Variants in DLG2 observed in about 807,000 individuals in gnomAD.
The protein encoded by DLG2 is discs large MAGUK scaffold protein 2.
DLG2 carries 45 observed loss-of-function variants against 132.5 expected under a neutral mutation model. The ratio of observed to expected loss-of-function variants is 0.34; its 90% confidence interval spans 0.27 to 0.44. DLG2 has a LOEUF of 0.44. Ranked by LOEUF, DLG2 falls within the 20% of genes least tolerant of loss-of-function variation. The probability of loss-of-function intolerance (pLI) is 1.00; values close to 1 mark genes in which losing one functional copy is unlikely to be tolerated. For missense variants in DLG2, 1,045 were observed against 1,196.9 expected (o/e 0.87, Z 1.87); for synonymous variants, 424 against 419.6 (o/e 1.01, Z -0.13).
chr11:84,826,081 AG>A (rs1177961922), intron 6 of DLG2, among the ~76,000 whole-genome samples: 33 of 151,982 alleles, frequency 2.2e-4, no homozygotes, highest in East Asian at 9.8e-4. Context: ...GGTAGATAGT[AG>A]GTATATATAT....
intron 21 of DLG2, among the ~76,000 whole-genome samples, chr11:83,511,426 G>C (rs1002411001): frequency 6.6e-6 from 1 of 152,150 alleles, no homozygotes; most frequent in Admixed American, 6.5e-5. Context: ...CAAGTCTCAT[G>C]TCAGTGGAGC....
chr11:85,337,278 C>T (rs2152851512), intron 3 of DLG2, among the ~76,000 whole-genome samples: 1 of 152,022 alleles, frequency 6.6e-6, no homozygotes, highest in African/African-American at 2.4e-5. Flanking sequence ...GAGACAATGT[C>T]TCTCTGTATT....
At chr11:85,469,282 T>C (rs187206226) in intron 3 of DLG2, 1 of 152,378 alleles carries the variant, frequency 6.6e-6, no homozygotes, top group African/African-American at 2.4e-5. Context: ...TCCTTGCTCC[T>C]ACTCATTCCA....
At chr11:84,444,761 C>G (rs2099027986) in intron 7 of DLG2, among the ~76,000 whole-genome samples, 1 of 149,398 alleles carries the variant, frequency 6.7e-6, no homozygotes, top group Non-Finnish European at 1.5e-5. Flanking sequence ...CAATAGAGCA[C>G]TTTTATAGTA....
At chr11:84,073,865 C>A (rs2096789558) in intron 10 of DLG2, among the ~76,000 whole-genome samples, 1 of 152,160 alleles carries the variant, frequency 6.6e-6, no homozygotes, top group Non-Finnish European at 1.5e-5. Flanking sequence ...CCCCACCCAA[C>A]CTCCAGGAAG....
chr11:85,337,974 T>A (rs2082242092), intron 3 of DLG2, among the ~76,000 whole-genome samples: 1 of 152,164 alleles, frequency 6.6e-6, no homozygotes. Context: ...CAGAAATAAT[T>A]AATAAGGTGG....
intron 4 of DLG2, among the ~76,000 whole-genome samples, chr11:85,272,126 C>T (rs1256744746): frequency 6.6e-6 from 1 of 152,054 alleles, no homozygotes; most frequent in Non-Finnish European, 1.5e-5. Context: ...CAGGTCTTTC[C>T]CATGCTATTC....
At chr11:84,938,647 TG>T (rs1204198423) in intron 6 of DLG2, among the ~76,000 whole-genome samples, 1 of 152,208 alleles carries the variant, frequency 6.6e-6, no homozygotes, top group African/African-American at 2.4e-5. Flanking sequence ...TTCATAAATG[TG>T]TTGTCTTTTT....
intron 3 of DLG2, among the ~76,000 whole-genome samples, chr11:85,582,493 T>C (rs941826358): frequency 1.3e-5 from 2 of 151,442 alleles, no homozygotes; most frequent in African/African-American, 4.9e-5. Flanking sequence ...AAAATAATGA[T>C]GATAATCCAA....
At chr11:84,075,824 G>A (rs2096822705) in intron 10 of DLG2, among the ~76,000 whole-genome samples, 1 of 152,020 alleles carries the variant, frequency 6.6e-6, no homozygotes, top group Admixed American at 6.5e-5. Context: ...ATTAATTTGT[G>A]ATGAAAAACT....
chr11:84,118,045 C>G (rs111416856), intron 9 of DLG2, among the ~76,000 whole-genome samples: 2 of 151,774 alleles, frequency 1.3e-5, no homozygotes, highest in East Asian at 3.9e-4. Flanking sequence ...TTAGTAGAGA[C>G]GGGGTTTCAC....
chr11:83,632,820 A>G (rs1485624429), intron 19 of DLG2: 2 of 180,318 alleles, frequency 1.1e-5, no homozygotes, highest in Non-Finnish European at 1.2e-5. Context: ...TGCAATCAGT[A>G]TCAGGCAGGT....
Position 84,641,581 on chromosome 11 carries a change from C to T in DLG2, c.358-106850G>A, listed in dbSNP as rs147490192. On this transcript the variant is annotated intron_variant, in intron 6 of 27. Coordinates refer to ENST00000376104, the MANE Select transcript of DLG2 (RefSeq NM_001142699.3). The stretch of plus-strand genomic sequence containing the variant: ...ACCTGGTGTTTTTCTGTATAGTAGC[C>T]TGGATTTGACCTATCTCTCCCTATA... Among the ~76,000 whole-genome samples, 767 of 152,132 alleles carry T rather than the reference C, an allele frequency of 5.0e-3. 14 individuals are homozygous for T. The highest frequency in any genetic ancestry group is 0.026 in the Admixed American group (404 of 15,288).
chr11:83,846,186 G>A (rs1041505923), intron 16 of DLG2, among the ~76,000 whole-genome samples: 7 of 152,206 alleles, frequency 4.6e-5, no homozygotes, highest in Admixed American at 1.3e-4. Flanking sequence ...GGGTATTTCC[G>A]TACATGGCAT....
At chr11:85,228,906 A>C (rs2075131548) in intron 4 of DLG2, among the ~76,000 whole-genome samples, 1 of 149,626 alleles carries the variant, frequency 6.7e-6, no homozygotes, top group African/African-American at 2.5e-5. Context: ...TCTTTTTTTA[A>C]CTTCTTATGT....
intron 6 of DLG2, among the ~76,000 whole-genome samples, chr11:84,598,773 A>G (rs975572483): frequency 4.0e-5 from 6 of 151,520 alleles, no homozygotes; most frequent in Admixed American, 2.0e-4. Context: ...AAAAAGAAAA[A>G]CATTAAAAAA....
intron 11 of DLG2, among the ~76,000 whole-genome samples, chr11:83,992,913 T>C (rs1475206122): frequency 6.6e-6 from 1 of 152,056 alleles, no homozygotes; most frequent in Non-Finnish European, 1.5e-5. Context: ...AAATCACAGA[T>C]GTGTTGGAAT....
intron 7 of DLG2, among the ~76,000 whole-genome samples, chr11:84,288,955 G>C (rs961838318): frequency 6.6e-6 from 1 of 151,988 alleles, no homozygotes; most frequent in Non-Finnish European, 1.5e-5. Context: ...TGTGAACTTC[G>C]CAAGAATTCT....
chr11:85,339,674 T>C (rs1209150621), intron 3 of DLG2, among the ~76,000 whole-genome samples: 4 of 152,236 alleles, frequency 2.6e-5, no homozygotes, highest in Admixed American at 6.5e-5. Context: ...TTTCAAAAAT[T>C]TTTATTGGCT....
Sources: gnomAD v4.1 joint callset for allele counts (sites outside exome capture counted in the v4.1 genomes callset) on GRCh38, gnomAD v4.1.1 for gene constraint, MANE v1.5 for transcripts, NCBI Gene and HGNC (gene_info 2026-07-23, HGNC 2026-07-21) for gene names.